Variants in MCHR2 observed in about 807,000 individuals in gnomAD.
MCHR2 encodes the protein melanin concentrating hormone receptor 2.
A neutral mutation model predicts 24.8 loss-of-function variants in MCHR2; 15 were observed. The ratio of observed to expected loss-of-function variants is 0.60; its 90% CI spans 0.40 to 0.93. The LOEUF (loss-of-function observed/expected upper bound fraction) is 0.93, where lower values mean the gene tolerates loss of function less well. Among genes scored for constraint, MCHR2 ranks in the 40% least tolerant of loss-of-function variants. The pLI is 0.00. For synonymous variants in MCHR2, 151 were observed against 147.6 expected (o/e 1.02, Z -0.17); for missense variants, 386 against 408.7 (o/e 0.94, Z 0.48).
intron 5 of MCHR2, among the ~76,000 whole-genome samples, chr6:99,929,451 C>T (rs1024103450): frequency 1.4e-4 from 21 of 152,144 alleles, no homozygotes; most frequent in South Asian, 6.2e-4. Context: ...TAAAGTCTCC[C>T]GTTATTATTG....
At chr6:99,922,904 A>AT (rs56705526) in intron 5 of MCHR2, among the ~76,000 whole-genome samples, 61,688 of 151,218 alleles carry the variant, frequency 0.41, 13,131 homozygotes, top group East Asian at 0.76. Flanking sequence ...AAATTTTAAG[A>AT]TTTTTTTTTC....
rs773944280 is a variant in MCHR2 at position 99,918,966 on chromosome 6, T to TA, written c.*1973dup. Among the ~76,000 whole-genome samples, 1 of 152,248 alleles carries TA rather than the reference T, an allele frequency of 6.6e-6. No individual in the cohort carries two copies. Among genetic ancestry groups the TA allele is most frequent in the South Asian group, 2.1e-4 (1 of 4,816 alleles). ...TTAAAATCATAATATTTTTCTGTATTAAAAAAACAATGAAAGTAAGCAATT... is the reference window on the plus strand; with the variant it reads ...TTAAAATCATAATATTTTTCTGTATTAAAAAAAACAATGAAAGTAAGCAATT... On this transcript the variant is annotated 3_prime_UTR_variant, in exon 6 of 6. Transcript: ENST00000281806.
intron 1 of MCHR2, among the ~76,000 whole-genome samples, chr6:99,984,831 A>T (rs1775741883): frequency 6.6e-6 from 1 of 152,182 alleles, no homozygotes; most frequent in South Asian, 2.1e-4. Context: ...TAGCTGGGGC[A>T]AGCAGGCAAG....
At chr6:99,963,261 C>G (rs1775232725) in intron 1 of MCHR2, among the ~76,000 whole-genome samples, 1 of 152,030 alleles carries the variant, frequency 6.6e-6, no homozygotes, top group Non-Finnish European at 1.5e-5. Context: ...TAGAAACCAT[C>G]TTAATGAACA....
chr6:99,940,914 A>G (rs1306212285), intron 4 of MCHR2, among the ~76,000 whole-genome samples: 5 of 152,092 alleles, frequency 3.3e-5, no homozygotes, highest in Non-Finnish European at 7.4e-5. Flanking sequence ...CCTGGAGTGT[A>G]CTGCTATATA....
At chr6:99,971,495 G>A (rs187324695) in intron 1 of MCHR2, among the ~76,000 whole-genome samples, 2 of 152,274 alleles carry the variant, frequency 1.3e-5, no homozygotes, top group East Asian at 3.9e-4. Flanking sequence ...AGACAATCAC[G>A]ACATCTGCAA....
intron 5 of MCHR2, among the ~76,000 whole-genome samples, chr6:99,927,048 A>G (rs941858911): frequency 1.3e-5 from 2 of 152,098 alleles, no homozygotes; most frequent in African/African-American, 2.4e-5. Flanking sequence ...TCAGCTTTCT[A>G]CATATGGCTA....
At chr6:99,931,887 C>A (rs1003394574) in intron 5 of MCHR2, among the ~76,000 whole-genome samples, 1 of 152,162 alleles carries the variant, frequency 6.6e-6, no homozygotes, top group African/African-American at 2.4e-5. Context: ...GAGATGGACC[C>A]GGTACCTCAG....
chr6:99,989,909 G>C (rs1775837482), intron 1 of MCHR2, among the ~76,000 whole-genome samples: 1 of 152,006 alleles, frequency 6.6e-6, no homozygotes, highest in South Asian at 2.1e-4. Flanking sequence ...CCCTCAAAGA[G>C]AGCAGCTTCT....
At chr6:99,955,073 A>G (rs1047676283) in intron 2 of MCHR2, among the ~76,000 whole-genome samples, 4 of 152,212 alleles carry the variant, frequency 2.6e-5, no homozygotes, top group Non-Finnish European at 4.4e-5. Context: ...CTTTTATAAC[A>G]TATGAATATG....
intron 1 of MCHR2, among the ~76,000 whole-genome samples, chr6:99,984,170 A>G (rs1032163841): frequency 7.2e-5 from 11 of 152,172 alleles, no homozygotes; most frequent in African/African-American, 2.7e-4. Flanking sequence ...ACATACATAT[A>G]TATACACTTA....
intron 1 of MCHR2, among the ~76,000 whole-genome samples, chr6:99,973,735 A>T (rs1775486334): frequency 6.6e-6 from 1 of 151,894 alleles, no homozygotes; most frequent in Non-Finnish European, 1.5e-5. Flanking sequence ...TTCCTTCAGG[A>T]GCTCTTGTAG....
chr6:99,970,309 A>G (rs2114566503), intron 1 of MCHR2, among the ~76,000 whole-genome samples: 1 of 152,300 alleles, frequency 6.6e-6, no homozygotes, highest in East Asian at 1.9e-4. Flanking sequence ...TCTGATGGCC[A>G]GTGATGGTGA....
At chr6:99,986,856 A>G (rs1012706585) in intron 1 of MCHR2, among the ~76,000 whole-genome samples, 2 of 150,380 alleles carry the variant, frequency 1.3e-5, no homozygotes, top group Admixed American at 1.3e-4. Context: ...TATAATATAT[A>G]TACATGTATA....
chr6:99,992,728 G>A (rs1775908678), intron 1 of MCHR2, among the ~76,000 whole-genome samples: 1 of 152,154 alleles, frequency 6.6e-6, no homozygotes, highest in Non-Finnish European at 1.5e-5. Context: ...GTCTGTGTTA[G>A]GCTAAGAGTC....
intron 2 of MCHR2, among the ~76,000 whole-genome samples, chr6:99,952,626 G>A (rs527906304): frequency 1.1e-4 from 17 of 152,182 alleles, no homozygotes; most frequent in African/African-American, 4.1e-4. Flanking sequence ...TCATGGCAAA[G>A]CATGATGAAA....
chr6:99,982,708 T>C (rs147575468), intron 1 of MCHR2, among the ~76,000 whole-genome samples: 3 of 152,124 alleles, frequency 2.0e-5, no homozygotes, highest in Non-Finnish European at 4.4e-5. Context: ...GTGGATGAAC[T>C]CTTGATGGAG....
intron 2 of MCHR2, among the ~76,000 whole-genome samples, chr6:99,953,758 T>C (rs1775009998): frequency 6.6e-6 from 1 of 152,114 alleles, no homozygotes; most frequent in Admixed American, 6.6e-5. Flanking sequence ...TAATAGATAT[T>C]GAATTGAATT....
At chr6:99,986,371 T>C (rs1200995966) in intron 1 of MCHR2, among the ~76,000 whole-genome samples, 1 of 152,166 alleles carries the variant, frequency 6.6e-6, no homozygotes, top group African/African-American at 2.4e-5. Context: ...CCTACACTTG[T>C]ATGTTTATCT....
Sources: gnomAD v4.1 joint callset for allele counts (sites outside exome capture counted in the v4.1 genomes callset) on GRCh38, gnomAD v4.1.1 for gene constraint, MANE v1.5 for transcripts, NCBI Gene and HGNC (gene_info 2026-07-23, HGNC 2026-07-21) for gene names.